GABRB1: variants seen among roughly 807,000 people sequenced by gnomAD.
GABRB1 encodes the protein gamma-aminobutyric acid receptor subunit beta-1.
In GABRB1, 17 loss-of-function variants were observed where a neutral mutation model predicts 51.6. That is an observed-to-expected ratio of 0.33 (90% CI 0.23 to 0.49). The LOEUF (loss-of-function observed/expected upper bound fraction) is 0.49. Ranked by LOEUF, GABRB1 falls within the 20% of genes least tolerant of loss-of-function variation. The probability of loss-of-function intolerance (pLI) is 0.99; values close to 1 mark genes in which losing one functional copy is unlikely to be tolerated. For missense variants in GABRB1, 410 were observed against 600.6 expected (o/e 0.68, Z 3.32); for synonymous variants, 247 against 218.9 (o/e 1.13, Z -1.14).
At chr4:47,190,993 T>C (rs888940305) in intron 4 of GABRB1, among the ~76,000 whole-genome samples, 1 of 152,184 alleles carries the variant, frequency 6.6e-6, no homozygotes, top group Non-Finnish European at 1.5e-5. Flanking sequence ...TTTCTTGAAT[T>C]GTCAAATTTT....
chr4:47,251,886 A>C (rs1722002195), intron 4 of GABRB1, among the ~76,000 whole-genome samples: 1 of 152,160 alleles, frequency 6.6e-6, no homozygotes, highest in Admixed American at 6.5e-5. Flanking sequence ...GGCGAGCCAG[A>C]CTTGAGAACT....
rs115350331 is a variant in GABRB1, at chr4:47,017,158, C to T, written c.-19-14756C>T. 8.2e-3 allele frequency among the ~76,000 whole-genome samples: 1,253 copies of T among 152,184 alleles called. 17 individuals are homozygous for T. The highest frequency in any genetic ancestry group is 0.028 in the African/African-American group (1,160 of 41,510). On this transcript the variant is annotated intron_variant, in intron 1 of 3. Coordinates refer to the GABRB1 transcript ENST00000513567. ...CCAGATCTGCAATTTACTACATGTG[C>T]GGCCTTCTCCATGTTTTATAGTTTA... is the stretch of plus-strand genomic sequence containing the variant.
At chr4:47,105,125 G>A (rs1351362054) in intron 3 of GABRB1, among the ~76,000 whole-genome samples, 1 of 152,062 alleles carries the variant, frequency 6.6e-6, no homozygotes, top group East Asian at 1.9e-4. Flanking sequence ...GAGTCAATCT[G>A]AGTTTAGATT....
chr4:47,112,331 T>C (rs74789349), intron 3 of GABRB1, among the ~76,000 whole-genome samples: 4,818 of 151,968 alleles, frequency 0.032, 370 homozygotes, highest in East Asian at 0.16. Flanking sequence ...GATCTCGACC[T>C]CCTGACCTCG....
In GABRB1 at chr4:47,000,673, C is replaced by T. The variant is rs539102812; in HGVS notation, c.-20+6747C>T. 2.0e-5 allele frequency among the ~76,000 whole-genome samples: 3 copies of T among 152,164 alleles called. No individual in the cohort carries two copies. In the South Asian group the frequency reaches 6.2e-4, roughly 32 times the overall value. On this transcript the variant is annotated intron_variant, in intron 1 of 3. Transcript: ENST00000513567. ...TCACATGACTGGTGCTTCAGATAGA[C>T]AGGGGGAATTGGCTGGAGATCTCTC...
Position 46,995,750 on chromosome 4 carries a change from T to A in GABRB1, c.-20+1824T>A, listed in dbSNP as rs1330864825. Among the ~76,000 whole-genome samples the A allele has an allele frequency of 3.9e-5, 6 of 152,342 alleles. No individual in the cohort carries two copies. The East Asian group carries it at 1.2e-3, about 29-fold the overall frequency. ...GCAATTTTCATTTTAAAAATACACATATCAAAAAATTAAGAAACCAAAATA... is the reference window on the plus strand; with the variant it reads ...GCAATTTTCATTTTAAAAATACACAAATCAAAAAATTAAGAAACCAAAATA... On this transcript the variant is annotated intron_variant, in intron 1 of 3. Coordinates refer to the GABRB1 transcript ENST00000513567.
rs71654875 is a variant in GABRB1, at chr4:47,420,943, A to AACACACACACAC, written c.1081-4707_1081-4696dup. Among the ~76,000 whole-genome samples the AACACACACACAC allele has an allele frequency of 5.0e-3, 712 of 141,020 alleles. 4 individuals are homozygous for AACACACACACAC. The highest frequency in any genetic ancestry group is 0.018 in the African/African-American group (669 of 36,466). The allele number at this position is 141,020 out of a possible 152,430, so 92.5% of individuals were successfully genotyped here. A position where few individuals can be genotyped will look rare whatever the true frequency, so the allele number is the denominator to read the frequency against. On this transcript the variant is annotated intron_variant, in intron 8 of 8. Transcript: ENST00000295454. Reference sequence around the variant, plus strand: ...GCATGAGCATGTACATACACACACAAACACACACACACACACACACACACA... The same window carrying AACACACACACAC: ...GCATGAGCATGTACATACACACACAAACACACACACACACACACACACACACACACACACACA...
rs142244270 is a variant in GABRB1 at position 47,131,242 on chromosome 4, C to T, written c.241-30007C>T. ...TGGCGCAATCTCGGTTCACTGCAAC[C>T]TCTGCCTCCAAATTCAAGCGATTCT... On this transcript the variant is annotated intron_variant, in intron 3 of 8. Coordinates refer to ENST00000295454, the MANE Select transcript of GABRB1 (RefSeq NM_000812.4). Among the ~76,000 whole-genome samples the T allele has an allele frequency of 7.6e-3, 1,155 of 152,118 alleles. 11 individuals are homozygous for T. The highest frequency in any genetic ancestry group is 0.026 in the African/African-American group (1,087 of 41,504).
intron 4 of GABRB1, among the ~76,000 whole-genome samples, chr4:47,234,182 C>A (rs1335109397): frequency 6.6e-6 from 1 of 152,000 alleles, no homozygotes; most frequent in African/African-American, 2.4e-5. Context: ...AATATGACAG[C>A]AACCCCATCA....
At chr4:47,332,357 A>T (rs1006059762) in intron 5 of GABRB1, among the ~76,000 whole-genome samples, 1 of 152,210 alleles carries the variant, frequency 6.6e-6, no homozygotes. Flanking sequence ...TGCAACAGGC[A>T]CTATATTCAA....
intron 4 of GABRB1, among the ~76,000 whole-genome samples, chr4:47,306,662 G>A (rs1305930061): frequency 6.6e-6 from 1 of 152,014 alleles, no homozygotes; most frequent in African/African-American, 2.4e-5. Flanking sequence ...ACACATATGT[G>A]ATTCCCTAAG....
intron 3 of GABRB1, among the ~76,000 whole-genome samples, chr4:47,091,066 C>A (rs1187792580): frequency 6.6e-6 from 1 of 150,874 alleles, no homozygotes; most frequent in Non-Finnish European, 1.5e-5. Context: ...CCACCCCCAG[C>A]AAACACTGGC....
chr4:47,077,824 T>A (rs942072602), intron 3 of GABRB1, among the ~76,000 whole-genome samples: 1 of 141,722 alleles, frequency 7.1e-6, no homozygotes, highest in South Asian at 2.1e-4. Context: ...TAAAAAAATA[T>A]AATATATATT....
chr4:47,334,332 G>A (rs1299342643), intron 5 of GABRB1, among the ~76,000 whole-genome samples: 1 of 152,098 alleles, frequency 6.6e-6, no homozygotes, highest in Non-Finnish European at 1.5e-5. Flanking sequence ...GCTTCCTAAT[G>A]TGATTTAAAT....
At chr4:47,415,481 T>C (rs927296057) in intron 8 of GABRB1, among the ~76,000 whole-genome samples, 1 of 152,162 alleles carries the variant, frequency 6.6e-6, no homozygotes, top group Admixed American at 6.5e-5. Flanking sequence ...AAAAAAGGCC[T>C]AGGATTGAGT....
chr4:47,404,550 A>G (rs1252785710), intron 7 of GABRB1, among the ~76,000 whole-genome samples: 1 of 151,672 alleles, frequency 6.6e-6, no homozygotes, highest in Admixed American at 6.6e-5. Context: ...CTAAACTAAC[A>G]TATTTCATCT....
At chr4:47,272,630 G>A (rs1722916830) in intron 4 of GABRB1, among the ~76,000 whole-genome samples, 1 of 152,032 alleles carries the variant, frequency 6.6e-6, no homozygotes. Context: ...ATTCACCCTA[G>A]ATGTCAAATA....
intron 4 of GABRB1, among the ~76,000 whole-genome samples, chr4:47,191,779 G>A: frequency 6.6e-6 from 1 of 152,030 alleles, no homozygotes; most frequent in East Asian, 1.9e-4. Context: ...TAGCATTTCT[G>A]TGTAGAAGAG....
intron 4 of GABRB1, among the ~76,000 whole-genome samples, chr4:47,291,111 C>G (rs73133933): frequency 3.9e-5 from 6 of 152,110 alleles, no homozygotes; most frequent in Non-Finnish European, 8.8e-5. Context: ...TTTCCTGGGA[C>G]GGGCCCAGGG....
Sources: allele counts gnomAD v4.1 joint callset (sites outside exome capture counted in the v4.1 genomes callset), GRCh38; gene constraint gnomAD v4.1.1; transcripts MANE v1.5; gene names NCBI Gene and HGNC (gene_info 2026-07-23, HGNC 2026-07-21).